Variants in SDK2 observed in about 807,000 individuals in gnomAD.
The protein encoded by SDK2 is sidekick cell adhesion molecule 2.
SDK2 carries 105 observed loss-of-function variants against 253.9 expected under a neutral mutation model. The observed-to-expected ratio is 0.41, with a 90% CI of 0.35 to 0.49. The LOEUF (loss-of-function observed/expected upper bound fraction) is 0.49. SDK2 is among the 20% of genes least tolerant of loss of function. The pLI, the probability that SDK2 is intolerant of heterozygous loss-of-function variation, is 0.06. For missense variants in SDK2, 2,608 were observed against 3,003.0 expected (o/e 0.87, Z 3.07); for synonymous variants, 1,249 against 1,234.9 (o/e 1.01, Z -0.24).
rs1412729447 is a variant in SDK2 at position 73,448,591 on chromosome 17, C to G, written c.480-843G>C. ...TTGTTAGCCAGGATGGTCTCGATCT[C>G]CTGACCTTGTGATCTGCCCGCCTTG... On this transcript the variant is annotated intron_variant, in intron 4 of 44. Transcript: ENST00000392650. Among the ~76,000 whole-genome samples the G allele has an allele frequency of 3.3e-5, 5 of 151,982 alleles. No homozygotes were observed. The East Asian group carries it at 9.7e-4, about 29-fold the overall frequency.
intron 1 of SDK2, among the ~76,000 whole-genome samples, chr17:73,599,688 C>T (rs1938345567): frequency 6.6e-6 from 1 of 152,126 alleles, no homozygotes; most frequent in South Asian, 2.1e-4. Context: ...TTTTTTCTCT[C>T]ACTTCAAGCA....
intron 18 of SDK2, among the ~76,000 whole-genome samples, chr17:73,407,497 A>T (rs2063088680): frequency 6.6e-6 from 1 of 152,186 alleles, no homozygotes; most frequent in African/African-American, 2.4e-5. Context: ...TAATAATACT[A>T]CCAAACCCAA....
chr17:73,467,177 T>G lies in SDK2; in HGVS notation c.331+4935A>C, dbSNP rs1477026412. On this transcript the variant is annotated intron_variant, in intron 3 of 44. Coordinates refer to ENST00000392650, the MANE Select transcript of SDK2 (RefSeq NM_001144952.2). This position sits in a 1 kb window ranked among gnomAD's most constrained non-coding sequence, Gnocchi z 4.1. ...ATTTGCAGAGCTGTTTGGACATGGA[T>G]TATTACAGCCCAGGGCTGTCCCTGA... Among the ~76,000 whole-genome samples, 1 of 152,028 alleles carries G rather than the reference T, an allele frequency of 6.6e-6. No individual in the cohort carries two copies. Among genetic ancestry groups the G allele is most frequent in the Non-Finnish European group, 1.5e-5 (1 of 68,004 alleles).
In SDK2 at chr17:73,394,260, G is replaced by C; in HGVS notation, c.3657C>G (p.Arg1219=). 1 of 1,603,346 alleles carries C rather than the reference G, an allele frequency of 6.2e-7. No individual in the cohort carries two copies. The highest frequency in any genetic ancestry group is 1.1e-5 in the South Asian group (1 of 89,778). Residue 1219 remains arginine, a synonymous_variant, in exon 26 of 45, where the codon CGC becomes CGG. Coordinates refer to ENST00000392650, the MANE Select transcript of SDK2 (RefSeq NM_001144952.2). ...LATTSSSMLV[R]WSEVPEADRN... The stretch of plus-strand genomic sequence containing the variant: ...GATCAGCCTCGGGGACCTCGCTCCA[G>C]CGCACCAGCATGCTGCTGGAGGTGG...
At chr17:73,376,503 T>C (rs1027340923) in intron 36 of SDK2, among the ~76,000 whole-genome samples, 5 of 152,344 alleles carry the variant, frequency 3.3e-5, no homozygotes, top group Non-Finnish European at 4.4e-5. Context: ...CTGATGTTCG[T>C]GCGTGTTGAT....
At chr17:73,545,635 T>G (rs1370020968) in intron 1 of SDK2, among the ~76,000 whole-genome samples, 2 of 150,888 alleles carry the variant, frequency 1.3e-5, no homozygotes, top group Admixed American at 6.6e-5. Context: ...CACTGGGAGG[T>G]TGGGGGACAG....
chr17:73,448,882 A>G (rs1056923743), intron 4 of SDK2, among the ~76,000 whole-genome samples: 1 of 151,548 alleles, frequency 6.6e-6, no homozygotes, highest in African/African-American at 2.4e-5. Context: ...GCTGGTCTCA[A>G]ACTCCTGACC....
intron 22 of SDK2, 34 bp downstream of exon 22, chr17:73,399,134 G>C: frequency 2.5e-6 from 4 of 1,609,808 alleles, no homozygotes; most frequent in Non-Finnish European, 3.4e-6. Context: ...GTGCCCTGGC[G>C]GGGGCTGCTG....
chr17:73,643,691 G>A lies in SDK2; in HGVS notation c.64+334C>T, dbSNP rs575382016. ...CGTAGCCGAGCGTGGAGCCCGGCAC[G>A]GAATGTCGCTCCCCTCCCAAGCCGG... On this transcript the variant is annotated intron_variant, in intron 1 of 44. Transcript: ENST00000392650. This position sits in a 1 kb window ranked among gnomAD's most constrained non-coding sequence, Gnocchi z 6.9. Among the ~76,000 whole-genome samples, 70 of 152,186 alleles carry A rather than the reference G, an allele frequency of 4.6e-4. 2 individuals are homozygous for A. In the South Asian group the frequency reaches 0.015, roughly 32 times the overall value.
In SDK2 at chr17:73,361,603, G is replaced by A. The variant is rs2145421776; in HGVS notation, c.5467+81C>T. 1 of 1,443,810 alleles carries A rather than the reference G, an allele frequency of 6.9e-7. No individual in the cohort carries two copies. The highest frequency in any genetic ancestry group is 9.6e-7 in the Non-Finnish European group (1 of 1,044,654). The allele number at this position is 1,443,810 out of a possible 1,614,324, so 89.4% of individuals were successfully genotyped here. A position where few individuals can be genotyped will look rare whatever the true frequency, so the allele number is the denominator to read the frequency against. ...CACTCTGTTTCCAGGGTCCAGCACA[G>A]CTCTTGACACCGGGGGCCCCTTCTG... On this transcript the variant is annotated intron_variant, in intron 39 of 44. Coordinates refer to ENST00000392650, the MANE Select transcript of SDK2 (RefSeq NM_001144952.2). The surrounding 1 kb of genome is among the most constrained non-coding windows in gnomAD (Gnocchi z 4.1).
At chr17:73,556,517 C>T (rs573569226) in intron 1 of SDK2, among the ~76,000 whole-genome samples, 20 of 152,312 alleles carry the variant, frequency 1.3e-4, no homozygotes, top group African/African-American at 1.9e-4. Context: ...GTTTATGTAC[C>T]GTGACTCATT....
intron 2 of SDK2, among the ~76,000 whole-genome samples, chr17:73,477,001 T>C (rs1331776028): frequency 2.6e-5 from 4 of 152,212 alleles, no homozygotes; most frequent in Admixed American, 1.3e-4. Flanking sequence ...TTCTGGCTTG[T>C]AGGCAACATT....
intron 22 of SDK2, 137 bp downstream of exon 22, chr17:73,399,031 T>C: frequency 2.4e-6 from 2 of 818,456 alleles, no homozygotes; most frequent in Non-Finnish European, 3.9e-6. Flanking sequence ...TTGGCAAGTG[T>C]GAGCATTTGG....
At chr17:73,456,429 A>AC (rs2063526083) in intron 3 of SDK2, among the ~76,000 whole-genome samples, 1 of 152,004 alleles carries the variant, frequency 6.6e-6, no homozygotes, top group Non-Finnish European at 1.5e-5. Context: ...CGGACCTTAA[A>AC]CCCTGGAGTC....
chr17:73,587,981 C>A lies in SDK2; in HGVS notation c.64+56044G>T, dbSNP rs1425838611. Among the ~76,000 whole-genome samples the A allele has an allele frequency of 2.0e-5, 3 of 152,160 alleles. No individual in the cohort carries two copies. In the South Asian group the frequency reaches 6.2e-4, roughly 32 times the overall value. On this transcript the variant is annotated intron_variant, in intron 1 of 44. Coordinates refer to ENST00000392650, the MANE Select transcript of SDK2 (RefSeq NM_001144952.2). ...CACTCACTTCACCATCTCTAAAGCC[C>A]ACCATGTTCATAAGACTCTAGTCCA...
intron 38 of SDK2, 129 bp downstream of exon 38, chr17:73,365,129 T>G (rs2062672738): frequency 1.6e-6 from 1 of 625,284 alleles, no homozygotes; most frequent in African/African-American, 1.9e-5. Context: ...GGACTCAGTT[T>G]CCGTGTTTAT....
chr17:73,641,756 C>T (rs1001805280), intron 1 of SDK2, among the ~76,000 whole-genome samples: 4 of 151,826 alleles, frequency 2.6e-5, no homozygotes, highest in Admixed American at 6.6e-5. Context: ...GCTTCAGCTA[C>T]CCCCCAAAGG....
At position 73,598,219 on chromosome 17, in the gene SDK2, A is replaced by T. The variant is rs548751927; in HGVS notation, c.64+45806T>A. 1.2e-4 allele frequency among the ~76,000 whole-genome samples: 19 copies of T among 152,262 alleles called. No homozygotes were observed. The South Asian group carries it at 3.9e-3, about 32-fold the overall frequency. On this transcript the variant is annotated intron_variant, in intron 1 of 44. Transcript: ENST00000392650. Reference sequence around the variant, plus strand: ...GGAGCCATCTAAGCATATACAGGTGACAGGAGTAGGCCGGACCCACAGGCA... The same window carrying T: ...GGAGCCATCTAAGCATATACAGGTGTCAGGAGTAGGCCGGACCCACAGGCA...
intron 1 of SDK2, among the ~76,000 whole-genome samples, chr17:73,560,278 A>G (rs1304115971): frequency 5.9e-5 from 9 of 152,366 alleles, no homozygotes; most frequent in Admixed American, 4.6e-4. Context: ...GCTGGGCTGC[A>G]GGGCTGGAGC....
Sources: allele counts gnomAD v4.1 joint callset (sites outside exome capture counted in the v4.1 genomes callset), GRCh38; gene constraint gnomAD v4.1.1; non-coding constraint Gnocchi (gnomAD v3.1); transcripts MANE v1.5; gene names NCBI Gene and HGNC (gene_info 2026-07-23, HGNC 2026-07-21).